IQCM: variants seen among roughly 807,000 people sequenced by gnomAD.
IQCM encodes the protein IQ motif containing M.
In IQCM, 45 loss-of-function variants were observed where a neutral mutation model predicts 57.6. The ratio of observed to expected loss-of-function variants is 0.78; its 90% CI spans 0.62 to 1.00. The LOEUF (loss-of-function observed/expected upper bound fraction) is 1.00. Among genes scored for constraint, IQCM ranks in the 50% least tolerant of loss-of-function variants. IQCM has a pLI of 0.00. For synonymous variants in IQCM, 148 were observed against 158.9 expected (o/e 0.93, Z 0.51); for missense variants, 468 against 511.6 (o/e 0.91, Z 0.82).
chr4:149,532,687 A>G (rs1746873906), intron 12 of IQCM, among the ~76,000 whole-genome samples: 1 of 152,226 alleles, frequency 6.6e-6, no homozygotes, highest in East Asian at 1.9e-4. Flanking sequence ...TAGTATGGGC[A>G]TGTGGCCTTC....
At chr4:149,618,275 G>A (rs1463044849) in intron 8 of IQCM, among the ~76,000 whole-genome samples, 2 of 152,130 alleles carry the variant, frequency 1.3e-5, no homozygotes, top group African/African-American at 4.8e-5. Flanking sequence ...TCAAGAAATG[G>A]TGCTGGTAAA....
chr4:149,803,925 G>T (rs1013712544), intron 2 of IQCM, among the ~76,000 whole-genome samples: 1 of 151,916 alleles, frequency 6.6e-6, no homozygotes, highest in Non-Finnish European at 1.5e-5. Context: ...GAGGGTCTCA[G>T]TCTTTTAATG....
chr4:149,603,673 C>A lies in IQCM; in HGVS notation c.682-15676G>T, dbSNP rs374157568. ...AAAAAGAGAAATCAACAAGAAAACT[C>A]CCTGACAAAATGAGAATGGCCACTG... On this transcript the variant is annotated intron_variant, in intron 8 of 13. Transcript: ENST00000636793. Among the ~76,000 whole-genome samples, 127 of 151,726 alleles carry A rather than the reference C, an allele frequency of 8.4e-4. 2 individuals are homozygous for A. The highest frequency in any genetic ancestry group is 1.5e-3 in the Non-Finnish European group (105 of 67,942).
chr4:149,769,378 A>G (rs1320279221), intron 2 of IQCM, among the ~76,000 whole-genome samples: 2 of 151,938 alleles, frequency 1.3e-5, no homozygotes, highest in Non-Finnish European at 2.9e-5. Context: ...TTTATATCCA[A>G]AATGAGCCCT....
intron 2 of IQCM, among the ~76,000 whole-genome samples, chr4:149,780,551 CAT>C (rs1561267609): frequency 1.7e-4 from 23 of 135,638 alleles, no homozygotes; most frequent in Admixed American, 3.8e-4. Context: ...ATATATAAAA[CAT>C]ATTTTTTTCC....
intron 9 of IQCM, among the ~76,000 whole-genome samples, chr4:149,571,573 A>G (rs1175172777): frequency 6.6e-6 from 1 of 152,094 alleles, no homozygotes; most frequent in African/African-American, 2.4e-5. Context: ...CTATTGTATA[A>G]CATGGTGACT....
chr4:149,704,426 A>G lies in IQCM; in HGVS notation c.386-17958T>C, dbSNP rs535303796. Among the ~76,000 whole-genome samples, 6 of 151,968 alleles carry G rather than the reference A, an allele frequency of 3.9e-5. No individual in the cohort carries two copies. In the South Asian group the frequency reaches 1.2e-3, roughly 32 times the overall value. On this transcript the variant is annotated intron_variant, in intron 5 of 13. Coordinates refer to ENST00000636793, the MANE Select transcript of IQCM (RefSeq NM_001363507.2). ...ACACAGCCAACCAACTTGTTTACCA[A>G]TTGCTTCTGGCCACTTCCTTGCCAC...
At chr4:149,771,221 T>G (rs1165749553) in intron 2 of IQCM, among the ~76,000 whole-genome samples, 1 of 152,044 alleles carries the variant, frequency 6.6e-6, no homozygotes, top group Non-Finnish European at 1.5e-5. Context: ...AGAACCCTCT[T>G]AGCAACCCCT....
chr4:149,735,818 A>G (rs906540516), intron 3 of IQCM, among the ~76,000 whole-genome samples: 1 of 152,182 alleles, frequency 6.6e-6, no homozygotes, highest in African/African-American at 2.4e-5. Context: ...AAGAGTATTT[A>G]CCTTCCAACT....
chr4:149,809,507 A>C (rs950583725), intron 2 of IQCM, among the ~76,000 whole-genome samples: 3 of 152,310 alleles, frequency 2.0e-5, no homozygotes, highest in Admixed American at 6.5e-5. Flanking sequence ...ATAGTATTTG[A>C]ATAGGAGTAT....
chr4:149,478,639 T>A (rs1252723686), intron 12 of IQCM, among the ~76,000 whole-genome samples: 1 of 152,146 alleles, frequency 6.6e-6, no homozygotes, highest in Non-Finnish European at 1.5e-5. Flanking sequence ...TGGAGCAATT[T>A]CATGGAGAAG....
chr4:149,427,744 T>C (rs1387011283), intron 13 of IQCM, among the ~76,000 whole-genome samples: 2 of 151,856 alleles, frequency 1.3e-5, no homozygotes, highest in African/African-American at 2.4e-5. Flanking sequence ...ATTTCTCCCA[T>C]CAACAATTAC....
chr4:149,728,851 C>G (rs1317307757), intron 5 of IQCM, among the ~76,000 whole-genome samples: 3 of 152,130 alleles, frequency 2.0e-5, no homozygotes, highest in Non-Finnish European at 4.4e-5. Flanking sequence ...CCAAAGTTCC[C>G]CCTAGGCACT....
In IQCM at chr4:149,743,266, T is replaced by C. The variant is rs182238159; in HGVS notation, c.-48-527A>G. Among the ~76,000 whole-genome samples the C allele has an allele frequency of 1.5e-3, 234 of 152,244 alleles. 1 individual carries two copies. The highest frequency in any genetic ancestry group is 5.2e-3 in the African/African-American group (215 of 41,556). The stretch of plus-strand genomic sequence containing the variant: ...TCAGAATGCCTTGACCTCTCATCTA[T>C]ATTTATTTATATCCTACCTGCCCTC... On this transcript the variant is annotated intron_variant, in intron 2 of 13. Coordinates refer to ENST00000636793, the MANE Select transcript of IQCM (RefSeq NM_001363507.2).
intron 13 of IQCM, among the ~76,000 whole-genome samples, chr4:149,415,457 ATTCT>A (rs1342893392): frequency 1.3e-5 from 2 of 152,158 alleles, no homozygotes; most frequent in Non-Finnish European, 2.9e-5. Flanking sequence ...GTGTTTTATA[ATTCT>A]TTCTGTAAAT....
intron 9 of IQCM, among the ~76,000 whole-genome samples, chr4:149,578,212 A>G (rs1751845038): frequency 1.3e-5 from 2 of 151,694 alleles, no homozygotes; most frequent in African/African-American, 4.8e-5. Context: ...TTATATCTTT[A>G]TATTCTCTTG....
At chr4:149,541,894 TG>T (rs1747886694) in intron 12 of IQCM, among the ~76,000 whole-genome samples, 1 of 152,058 alleles carries the variant, frequency 6.6e-6, no homozygotes, top group Non-Finnish European at 1.5e-5. Context: ...TTCTACTGGA[TG>T]AAAAAATGCG....
chr4:149,540,206 A>G (rs1199411835), intron 12 of IQCM, among the ~76,000 whole-genome samples: 1 of 151,326 alleles, frequency 6.6e-6, no homozygotes, highest in Admixed American at 6.6e-5. Flanking sequence ...CTTAAGGGAA[A>G]CCAAATCAGC....
intron 8 of IQCM, among the ~76,000 whole-genome samples, chr4:149,615,970 G>C (rs758161973): frequency 5.3e-5 from 8 of 152,130 alleles, no homozygotes; most frequent in Non-Finnish European, 8.8e-5. Context: ...AAGAAAATGG[G>C]AGAAACTAGA....
Sources: gnomAD v4.1 joint callset for allele counts (sites outside exome capture counted in the v4.1 genomes callset) on GRCh38, gnomAD v4.1.1 for gene constraint, MANE v1.5 for transcripts, NCBI Gene and HGNC (gene_info 2026-07-23, HGNC 2026-07-21) for gene names.